Variants in ESR1 observed in about 807,000 individuals in gnomAD.
ESR1 encodes the protein estrogen receptor.
Under a neutral mutation model 52.7 loss-of-function variants are expected in ESR1, and 12 were observed. That is an observed-to-expected ratio of 0.23 (90% CI 0.15 to 0.37). ESR1 has a LOEUF of 0.37. Ranked by LOEUF, ESR1 falls within the 10% of genes least tolerant of loss-of-function variation. The pLI, the probability that ESR1 is intolerant of heterozygous loss-of-function variation, is 1.00. For missense variants in ESR1, 584 were observed against 779.7 expected, an observed-to-expected ratio of 0.75 and a Z score of 2.99; for synonymous variants, 305 against 316.8, an observed-to-expected ratio of 0.96 and a Z score of 0.39.
intron 3 of ESR1, among the ~76,000 whole-genome samples, chr6:151,916,556 T>A (rs555981445): frequency 6.6e-6 from 1 of 152,140 alleles, no homozygotes; most frequent in Non-Finnish European, 1.5e-5. Flanking sequence ...TCTGGCAGAT[T>A]AGTGAGAAGA....
chr6:151,886,393 A>G (rs908564577), intron 3 of ESR1, among the ~76,000 whole-genome samples: 1 of 152,206 alleles, frequency 6.6e-6, no homozygotes, highest in South Asian at 2.1e-4. Context: ...ATAACACATT[A>G]AGAAGAAATT....
intron 1 of ESR1, among the ~76,000 whole-genome samples, chr6:151,664,109 A>G (rs747746942): frequency 3.3e-5 from 5 of 152,162 alleles, no homozygotes; most frequent in Non-Finnish European, 7.3e-5. Flanking sequence ...AGTAAAGGTA[A>G]GCATACTTAG....
At position 151,794,566 on chromosome 6, in the gene ESR1, G is replaced by A. The variant is rs553348214; in HGVS notation, c.-70-13277G>A. On this transcript the variant is annotated intron_variant, in intron 2 of 2. Transcript: ENST00000404742. The stretch of plus-strand genomic sequence containing the variant: ...TCACAATTTTGTCAACAATCTACCC[G>A]TTATTTACAAAGGTTTAAAATCTGA... Among the ~76,000 whole-genome samples, 14 of 151,714 alleles carry A rather than the reference G, an allele frequency of 9.2e-5. No individual in the cohort carries two copies. The South Asian group carries it at 2.7e-3, about 29-fold the overall frequency.
At chr6:151,775,480 G>C (rs1785882343) in intron 2 of ESR1, among the ~76,000 whole-genome samples, 1 of 152,164 alleles carries the variant, frequency 6.6e-6, no homozygotes, top group Non-Finnish European at 1.5e-5. Context: ...AGGCGCGGTG[G>C]CTGACACCTG....
intron 4 of ESR1, among the ~76,000 whole-genome samples, chr6:152,004,560 T>TA (rs1269878802): frequency 2.6e-5 from 4 of 151,880 alleles, no homozygotes; most frequent in Non-Finnish European, 5.9e-5. Flanking sequence ...TCTATTTAGA[T>TA]AAAAATGAGG....
intron 5 of ESR1, among the ~76,000 whole-genome samples, chr6:152,058,293 G>A (rs1477655284): frequency 2.6e-5 from 4 of 152,110 alleles, no homozygotes; most frequent in African/African-American, 9.7e-5. Context: ...AGCCTTTGGT[G>A]TGAGCACTCT....
At chr6:151,970,425 G>A (rs1163212654) in intron 4 of ESR1, among the ~76,000 whole-genome samples, 2 of 152,042 alleles carry the variant, frequency 1.3e-5, no homozygotes, top group Non-Finnish European at 2.9e-5. Flanking sequence ...TTGTAGGGAA[G>A]CAAATCCCTT....
intron 3 of ESR1, among the ~76,000 whole-genome samples, chr6:151,934,258 A>G (rs557302351): frequency 1.3e-5 from 2 of 152,330 alleles, no homozygotes; most frequent in Admixed American, 1.3e-4. Flanking sequence ...TCCCTGATCT[A>G]AACACCCTCT....
At chr6:151,736,150 C>G (rs1170688651) in intron 2 of ESR1, among the ~76,000 whole-genome samples, 2 of 152,144 alleles carry the variant, frequency 1.3e-5, no homozygotes, top group Non-Finnish European at 2.9e-5. Context: ...CCTTTTTAAA[C>G]TTGGAAGGCC....
chr6:151,745,855 T>C (rs1316338941), intron 2 of ESR1, among the ~76,000 whole-genome samples: 1 of 152,200 alleles, frequency 6.6e-6, no homozygotes, highest in African/African-American at 2.4e-5. Flanking sequence ...CTTGTAAAAC[T>C]GAAACTGTAA....
chr6:151,990,923 GT>G (rs2040949251), intron 4 of ESR1, among the ~76,000 whole-genome samples: 1 of 152,056 alleles, frequency 6.6e-6, no homozygotes, highest in South Asian at 2.1e-4. Flanking sequence ...CTATAAACAT[GT>G]ATAAATTTGT....
chr6:151,789,145 A>G (rs1787294963), intron 2 of ESR1, among the ~76,000 whole-genome samples: 2 of 152,188 alleles, frequency 1.3e-5, no homozygotes, highest in Admixed American at 1.3e-4. Context: ...AGTGTTGGTG[A>G]GGATGTGGAG....
intron 4 of ESR1, among the ~76,000 whole-genome samples, chr6:152,009,395 G>T (rs1319061009): frequency 6.6e-5 from 10 of 152,008 alleles, no homozygotes; most frequent in Admixed American, 5.3e-4. Context: ...ATATGGTCTA[G>T]CAGGATTTAC....
chr6:151,819,509 T>G (rs1481376933), intron 1 of ESR1, among the ~76,000 whole-genome samples: 1 of 152,172 alleles, frequency 6.6e-6, no homozygotes, highest in Non-Finnish European at 1.5e-5. Flanking sequence ...GCATTAGATT[T>G]TCATAGGAAT....
intron 2 of ESR1, among the ~76,000 whole-genome samples, chr6:151,875,314 T>G (rs147899706): frequency 1.0e-3 from 155 of 152,334 alleles, no homozygotes; most frequent in African/African-American, 3.6e-3. Flanking sequence ...GCCATCATAT[T>G]GTTCAGGGTC....
At chr6:152,115,656 C>A (rs954453216) in intron 6 of ESR1, among the ~76,000 whole-genome samples, 2 of 152,066 alleles carry the variant, frequency 1.3e-5, no homozygotes, top group Non-Finnish European at 1.5e-5. Context: ...CACTTCATAT[C>A]CAGATTTAAT....
At chr6:152,066,123 A>G (rs1347044158) in intron 6 of ESR1, among the ~76,000 whole-genome samples, 4 of 152,212 alleles carry the variant, frequency 2.6e-5, no homozygotes, top group Admixed American at 2.6e-4. Flanking sequence ...ACATCTTGCC[A>G]TGATGGTGCC....
intron 2 of ESR1, among the ~76,000 whole-genome samples, chr6:151,761,201 T>G (rs1784634725): frequency 6.6e-6 from 1 of 152,070 alleles, no homozygotes; most frequent in African/African-American, 2.4e-5. Flanking sequence ...AGCAATACCT[T>G]GGTGGTTGGC....
In ESR1 at chr6:152,117,305, A is replaced by G. The variant is rs1434415985; in HGVS notation, c.851-7961A>G. Among the ~76,000 whole-genome samples the G allele has an allele frequency of 3.3e-5, 5 of 152,298 alleles. No homozygotes were observed. In the East Asian group the frequency reaches 9.7e-4, roughly 29 times the overall value. ...TTGGCAGCTTTGCTTTCTGAGCCCA[A>G]CAACAGCTCCAAGAATGTGTCCGGC... On this transcript the variant is annotated intron_variant, in intron 6 of 6. Coordinates refer to the ESR1 transcript ENST00000427531.
Sources: allele counts gnomAD v4.1 joint callset (sites outside exome capture counted in the v4.1 genomes callset), GRCh38; gene constraint gnomAD v4.1.1; transcripts MANE v1.5; gene names NCBI Gene and HGNC (gene_info 2026-07-23, HGNC 2026-07-21).